OR6A2: variants seen among roughly 807,000 people sequenced by gnomAD.
OR6A2 encodes olfactory receptor family 6 subfamily A member 2.
Under a neutral mutation model 7.1 loss-of-function variants are expected in OR6A2, and 6 were observed. The ratio of observed to expected loss-of-function variants is 0.85; its 90% confidence interval spans 0.46 to 1.68. The LOEUF is 1.68. OR6A2 is among the 40% of genes most tolerant of loss of function. The pLI is 0.01. For missense variants in OR6A2, 431 were observed against 398.0 expected, an observed-to-expected ratio of 1.08 and a Z score of -0.71; for synonymous variants, 162 against 152.1, an observed-to-expected ratio of 1.06 and a Z score of -0.48.
chr11:6,797,583 G>C (rs543855876), intron 1 of OR6A2, among the ~76,000 whole-genome samples: 2 of 152,154 alleles, frequency 1.3e-5, no homozygotes, highest in South Asian at 2.1e-4. Flanking sequence ...GAAAATAATA[G>C]CCTTTCACAC....
Position 6,792,955 on chromosome 11 carries a change from G to A in OR6A2, c.*1770C>T, listed in dbSNP as rs961592009. 3.9e-5 allele frequency: 6 copies of A among 152,188 alleles called. No individual in the cohort carries two copies. Among genetic ancestry groups the A allele is most frequent in the Non-Finnish European group, 5.9e-5 (4 of 68,024 alleles). 9.4% of individuals were successfully genotyped at this position (152,188 alleles called of 1,614,324 possible). A position where few individuals can be genotyped will look rare whatever the true frequency, so the allele number is the denominator to read the frequency against. On this transcript the variant is annotated 3_prime_UTR_variant, in exon 2 of 2. Transcript: ENST00000641196. ...ATTCCAATACTTGAAATCAGAATTAGAGGTGTTTTAAAGCATTGGAAAATA... is the reference window on the plus strand; with the variant it reads ...ATTCCAATACTTGAAATCAGAATTAAAGGTGTTTTAAAGCATTGGAAAATA...
At position 6,793,030 on chromosome 11, in the gene OR6A2, A is replaced by C. The variant is rs994119846; in HGVS notation, c.*1695T>G. On this transcript the variant is annotated 3_prime_UTR_variant, in exon 2 of 2. Coordinates refer to ENST00000641196, the MANE Select transcript of OR6A2 (RefSeq NM_003696.3). ...CAACATTATGCTTTTACTTCCTATTAACTCGAGTTAACTTATAAAAGAGTT... is the reference window on the plus strand; with the variant it reads ...CAACATTATGCTTTTACTTCCTATTCACTCGAGTTAACTTATAAAAGAGTT... The C allele has an allele frequency of 6.6e-6, 1 of 152,218 alleles. No homozygotes were observed. The highest frequency in any genetic ancestry group is 2.4e-5 in the African/African-American group (1 of 41,460). 9.4% of individuals were successfully genotyped at this position (152,218 alleles called of 1,614,324 possible).
intron 1 of OR6A2, among the ~76,000 whole-genome samples, chr11:6,796,312 C>A (rs1204577783): frequency 6.6e-6 from 1 of 152,122 alleles, no homozygotes; most frequent in African/African-American, 2.4e-5. Flanking sequence ...GTGACTAATT[C>A]TGGGTTGCAG....
intron 1 of OR6A2, among the ~76,000 whole-genome samples, chr11:6,797,731 C>G (rs144624543): frequency 2.0e-4 from 30 of 152,284 alleles, no homozygotes; most frequent in African/African-American, 7.2e-4. Flanking sequence ...ATCATTTAGC[C>G]TACAGGTACA....
At chr11:6,797,422 C>T (rs1369653892) in intron 1 of OR6A2, among the ~76,000 whole-genome samples, 1 of 152,164 alleles carries the variant, frequency 6.6e-6, no homozygotes, top group East Asian at 1.9e-4. Context: ...AACATCAAAC[C>T]TACAATTGCT....
rs1344058399 is a variant in OR6A2 at position 6,794,685 on chromosome 11, C to T, written c.*40G>A. Reference sequence around the variant, plus strand: ...CTGGACTTCATAGAACACATTGATCCCAAGTTTAATAGCATTTTATCAGAT... The same window carrying T: ...CTGGACTTCATAGAACACATTGATCTCAAGTTTAATAGCATTTTATCAGAT... On this transcript the variant is annotated 3_prime_UTR_variant, in exon 2 of 2. Transcript: ENST00000641196. 15 of 1,589,814 alleles carry T rather than the reference C, an allele frequency of 9.4e-6. No homozygotes were observed. The highest frequency in any genetic ancestry group is 1.3e-5 in the Non-Finnish European group (15 of 1,166,814).
intron 1 of OR6A2, among the ~76,000 whole-genome samples, chr11:6,797,944 A>G (rs925541976): frequency 1.3e-5 from 2 of 152,236 alleles, no homozygotes; most frequent in South Asian, 2.1e-4. Context: ...TTCTATCCAT[A>G]GAGACATTAG....
rs748350083 is a variant in OR6A2, at chr11:6,794,928, T to C, written c.781A>G (p.Ile261Val). 5 of 1,613,984 alleles carry C rather than the reference T, an allele frequency of 3.1e-6. No individual in the cohort carries two copies. The highest frequency in any genetic ancestry group is 1.3e-5 in the African/African-American group (1 of 74,906). ...TVVIIFYAAS[I>V]FIYARPKALS... is the part of the protein sequence containing the mutation. ...GCCTTTGGCCGAGCATAGATGAAGA[T>C]ACTGGCTGCATAGAAGATTATCACA... is the stretch of plus-strand genomic sequence containing the variant. The change falls in exon 2 of 2, where the codon ATC (isoleucine) becomes GTC (valine). Residue 261 changes from isoleucine (I) to valine (V), a missense_variant. By Grantham distance (29) the Ile-to-Val change is conservative. Coordinates refer to ENST00000641196, the MANE Select transcript of OR6A2 (RefSeq NM_003696.3).
At position 6,795,356 on chromosome 11, in the gene OR6A2, A is replaced by G. The variant is rs919347632; in HGVS notation, c.353T>C (p.Val118Ala). The G allele has an allele frequency of 1.9e-6, 3 of 1,614,062 alleles. No individual in the cohort carries two copies. In the Admixed American group the frequency reaches 5.0e-5, roughly 27 times the overall value. ...ATCATAGGCCATAACAGCGAGAAGG[A>G]CACACTCAGTGCAGCCCAAGCCAAG... ...FFLGLGCTEC[V>A]LLAVMAYDRY... Residue 118 changes from valine (V) to alanine (A), a missense_variant, in exon 2 of 2, where the codon GTC (valine) becomes GCC (alanine). Val to Ala is a moderately conservative substitution (Grantham distance 64). Transcript: ENST00000641196.
chr11:6,791,983 A>G lies in OR6A2; in HGVS notation c.*2742T>C, dbSNP rs764373394. The G allele has an allele frequency of 6.6e-6, 1 of 152,172 alleles. No individual in the cohort carries two copies. Among genetic ancestry groups the G allele is most frequent in the Non-Finnish European group, 1.5e-5 (1 of 68,016 alleles). The allele number at this position is 152,172 out of a possible 1,614,324, so 9.4% of individuals were successfully genotyped here. A position where few individuals can be genotyped will look rare whatever the true frequency, so the allele number is the denominator to read the frequency against. On this transcript the variant is annotated 3_prime_UTR_variant, in exon 2 of 2. Coordinates refer to ENST00000641196, the MANE Select transcript of OR6A2 (RefSeq NM_003696.3). ...TTCAGATTTTATTATCTTTTCTGTTAGTATTACTTTATGTTCCAGGGTCCA... is the reference window on the plus strand; with the variant it reads ...TTCAGATTTTATTATCTTTTCTGTTGGTATTACTTTATGTTCCAGGGTCCA...
rs1444054580 is a variant in OR6A2 at position 6,791,891 on chromosome 11, A to G, written c.*2834T>C. 6.6e-6 allele frequency: 1 copy of G among 152,228 alleles called. No individual in the cohort carries two copies. Among genetic ancestry groups the G allele is most frequent in the Non-Finnish European group, 1.5e-5 (1 of 68,034 alleles). 9.4% of individuals were successfully genotyped at this position (152,228 alleles called of 1,614,324 possible). ...ATATATTCATCCTTCATTAGCATACATACTTGTCAAAATAAGAAACCAAAA... is the reference window on the plus strand; with the variant it reads ...ATATATTCATCCTTCATTAGCATACGTACTTGTCAAAATAAGAAACCAAAA... On this transcript the variant is annotated 3_prime_UTR_variant, in exon 2 of 2. Coordinates refer to ENST00000641196, the MANE Select transcript of OR6A2 (RefSeq NM_003696.3).
Position 6,795,314 on chromosome 11 carries a change from C to G in OR6A2, c.395G>C (p.Cys132Ser). Reference sequence around the variant, plus strand: ...AATGACTGGGTAGTGGAGAGGATAGCAGATGGCCATATAGCGATCATAGGC... The same window carrying G: ...AATGACTGGGTAGTGGAGAGGATAGGAGATGGCCATATAGCGATCATAGGC... ...VMAYDRYMAI[C>S]YPLHYPVIVS... The change falls in exon 2 of 2, where the codon TGC becomes TCC. Residue 132 changes from cysteine to serine, a missense_variant. Transcript: ENST00000641196. The G allele has an allele frequency of 6.2e-7, 1 of 1,614,048 alleles. No homozygotes were observed.
intron 1 of OR6A2, among the ~76,000 whole-genome samples, chr11:6,798,691 A>G (rs1847770506): frequency 6.6e-6 from 1 of 152,200 alleles, no homozygotes; most frequent in Non-Finnish European, 1.5e-5. Context: ...CTTTTTAAAA[A>G]CACGTCATGA....
At position 6,794,505 on chromosome 11, in the gene OR6A2, C is replaced by G. The variant is rs1847722672; in HGVS notation, c.*220G>C. 1 of 575,926 alleles carries G rather than the reference C, an allele frequency of 1.7e-6. No homozygotes were observed. The highest frequency in any genetic ancestry group is 3.0e-6 in the Non-Finnish European group (1 of 331,208). 35.7% of individuals were successfully genotyped at this position (575,926 alleles called of 1,614,324 possible). ...GGGACAGACAATAGTGGACCCAGCTCTATCCTGTATTTTATGGCCCTGTCC... is the reference window on the plus strand; with the variant it reads ...GGGACAGACAATAGTGGACCCAGCTGTATCCTGTATTTTATGGCCCTGTCC... On this transcript the variant is annotated 3_prime_UTR_variant, in exon 2 of 2. Coordinates refer to ENST00000641196, the MANE Select transcript of OR6A2 (RefSeq NM_003696.3).
At position 6,795,700 on chromosome 11, in the gene OR6A2, C is replaced by T. The variant is rs1234336733; in HGVS notation, c.9G>A (p.Trp3Ter). The T allele has an allele frequency of 5.0e-6, 8 of 1,613,646 alleles. No individual in the cohort carries two copies. Among genetic ancestry groups the T allele is most frequent in the Non-Finnish European group, 4.2e-6 (5 of 1,179,816 alleles). Residue 3 changes from tryptophan (W) to a stop codon, truncating the protein, a stop_gained, in exon 2 of 2, where the codon TGG becomes TGA. Transcript: ENST00000641196. LOFTEE classifies it low-confidence loss of function (END_TRUNC). ME[W>*]RNHSGRVSEF... The stretch of plus-strand genomic sequence containing the variant: ...CACTCACTCTCCCACTATGGTTCCG[C>T]CACTCCATGTCATTGGTCTCTCTTA...
In OR6A2 at chr11:6,794,403, T is replaced by C. The variant is rs78499922; in HGVS notation, c.*322A>G. 1.5e-3 allele frequency: 446 copies of C among 294,786 alleles called. 2 individuals carry two copies. The highest frequency in any genetic ancestry group is 7.9e-3 in the African/African-American group (375 of 47,424). 18.3% of individuals were successfully genotyped at this position (294,786 alleles called of 1,614,324 possible). A position where few individuals can be genotyped will look rare whatever the true frequency, so the allele number is the denominator to read the frequency against. On this transcript the variant is annotated 3_prime_UTR_variant, in exon 2 of 2. Transcript: ENST00000641196. ...CCTCTGCTACCTAATAGAGATCTTA[T>C]CAAAAAGTCTTGTGTTGCTTTTCCG...
rs1278514892 is a variant in OR6A2, at chr11:6,794,988, TA to T, written c.720del (p.Tyr240Ter). On this transcript the variant is annotated frameshift_variant, in exon 2 of 2. Coordinates refer to ENST00000641196, the MANE Select transcript of OR6A2 (RefSeq NM_003696.3). LOFTEE classifies it high-confidence loss of function. ...VMHIPSAAGR[Y>X]KAFSTCASHL... is the part of the protein sequence containing the mutation. The stretch of plus-strand genomic sequence containing the variant: ...TGAGAGGCACAGGTGGAAAAGGCCT[TA>T]TAGCGTCCAGCAGCCGAAGGAATGT... 1 of 1,614,064 alleles carries T rather than the reference TA, an allele frequency of 6.2e-7. No individual in the cohort carries two copies. The highest frequency in any genetic ancestry group is 8.5e-7 in the Non-Finnish European group (1 of 1,179,994).
chr11:6,795,169 G>T lies in OR6A2; in HGVS notation c.540C>A (p.Asn180Lys), dbSNP rs528575606. 2 of 1,614,072 alleles carry T rather than the reference G, an allele frequency of 1.2e-6. No individual in the cohort carries two copies. Among genetic ancestry groups the T allele is most frequent in the Non-Finnish European group, 1.7e-6 (2 of 1,180,002 alleles). The stretch of plus-strand genomic sequence containing the variant: ...ATGGAGAGACATCACAGAAAAAGTG[G>T]TTGATGATGTTGGGGCCACAGTAAG... The part of the protein sequence containing the change: ...GLSYCGPNII[N>K]HFFCDVSPLL... The change falls in exon 2 of 2, where the codon AAC becomes AAA. Residue 180 changes from asparagine (N) to lysine (K), a missense_variant. Transcript: ENST00000641196.
intron 1 of OR6A2, among the ~76,000 whole-genome samples, chr11:6,799,032 G>C (rs1006014936): frequency 6.6e-6 from 1 of 152,246 alleles, no homozygotes; most frequent in Admixed American, 6.5e-5. Flanking sequence ...GATTTTGGTG[G>C]AAATGGTCAG....
Sources: allele counts gnomAD v4.1 joint callset (sites outside exome capture counted in the v4.1 genomes callset), GRCh38; gene constraint gnomAD v4.1.1; transcripts MANE v1.5; gene names NCBI Gene and HGNC (gene_info 2026-07-23, HGNC 2026-07-21).